The following C9orf72 variants were observed in gnomAD, a reference collection of about 807,000 sequenced individuals.
C9orf72 encodes C9orf72-SMCR8 complex subunit.
In C9orf72, 44 loss-of-function variants were observed where a neutral mutation model predicts 51.6. That is an observed-to-expected ratio of 0.85 (90% CI 0.67 to 1.10). The LOEUF is 1.10. Ranked by LOEUF, C9orf72 falls within the 50% of genes least tolerant of loss-of-function variation. C9orf72 has a pLI of 0.00. For missense variants in C9orf72, 607 were observed against 570.6 expected (o/e 1.06, Z -0.65); for synonymous variants, 213 against 194.2 (o/e 1.10, Z -0.81).
At chr9:27,572,225 G>A (rs566040608) in intron 1 of C9orf72, among the ~76,000 whole-genome samples, 32 of 152,262 alleles carry the variant, frequency 2.1e-4, no homozygotes, top group Admixed American at 6.5e-4. Context: ...AATTACTCTC[G>A]TTCTTGTTTC....
At chr9:27,551,604 C>T (rs766885003) in intron 8 of C9orf72, among the ~76,000 whole-genome samples, 6 of 152,162 alleles carry the variant, frequency 3.9e-5, no homozygotes, top group Non-Finnish European at 7.3e-5. Context: ...GTTTCCTTAT[C>T]TTAAGAAACG....
rs1820782726 is a variant in C9orf72 at position 27,547,008 on chromosome 9, G to A, written c.*1228C>T. ...AATTTTAAATAAAATATTTATTTGT[G>A]TTTGTGTAACTACAATGTCAACATT... is the stretch of plus-strand genomic sequence containing the variant. On this transcript the variant is annotated 3_prime_UTR_variant, in exon 11 of 11. Coordinates refer to ENST00000380003, the MANE Select transcript of C9orf72 (RefSeq NM_018325.5). 1 of 152,376 alleles carries A rather than the reference G, an allele frequency of 6.6e-6. No homozygotes were observed. The highest frequency in any genetic ancestry group is 6.6e-5 in the Admixed American group (1 of 15,248). 9.4% of individuals were successfully genotyped at this position (152,376 alleles called of 1,614,324 possible). A position where few individuals can be genotyped will look rare whatever the true frequency, so the allele number is the denominator to read the frequency against.
rs149047881 is a variant in C9orf72 at position 27,572,042 on chromosome 9, C to T, written c.-45+1389G>A. Among the ~76,000 whole-genome samples, 219 of 152,300 alleles carry T rather than the reference C, an allele frequency of 1.4e-3. 2 individuals are homozygous for T. In the Middle Eastern group the frequency reaches 0.024, roughly 17 times the overall value. On this transcript the variant is annotated intron_variant, in intron 1 of 10. Coordinates refer to ENST00000380003, the MANE Select transcript of C9orf72 (RefSeq NM_018325.5). ...ACTATCTAATTAACGTAGAATAGAACCCGAGGGCAGACTTGAAAAACAGAA... is the reference window on the plus strand; with the variant it reads ...ACTATCTAATTAACGTAGAATAGAATCCGAGGGCAGACTTGAAAAACAGAA...
chr9:27,553,789 A>C (rs1820956022), intron 8 of C9orf72, among the ~76,000 whole-genome samples: 1 of 152,222 alleles, frequency 6.6e-6, no homozygotes, highest in Non-Finnish European at 1.5e-5. Flanking sequence ...AAATATCTGC[A>C]AACCATGTAT....
chr9:27,554,169 G>C (rs1820963942), intron 8 of C9orf72, among the ~76,000 whole-genome samples: 1 of 152,126 alleles, frequency 6.6e-6, no homozygotes, highest in African/African-American at 2.4e-5. Context: ...TATTCTATAT[G>C]TACCTAAAGG....
intron 8 of C9orf72, among the ~76,000 whole-genome samples, chr9:27,551,893 C>T (rs1820916145): frequency 6.6e-6 from 1 of 152,170 alleles, no homozygotes; most frequent in African/African-American, 2.4e-5. Context: ...GATCTTTCAC[C>T]TCCCTGGTTA....
At chr9:27,552,083 C>G (rs956369749) in intron 8 of C9orf72, among the ~76,000 whole-genome samples, 1 of 152,142 alleles carries the variant, frequency 6.6e-6, no homozygotes, top group African/African-American at 2.4e-5. Context: ...CAGAATTATA[C>G]TGCCTGCAAA....
intron 7 of C9orf72, among the ~76,000 whole-genome samples, chr9:27,558,228 TA>T (rs369338530): frequency 6.5e-4 from 94 of 144,782 alleles, no homozygotes; most frequent in Non-Finnish European, 6.5e-4. Flanking sequence ...AAGCATGTGT[TA>T]AAAAAAAAAA....
At chr9:27,552,656 T>A (rs1563899620) in intron 8 of C9orf72, among the ~76,000 whole-genome samples, 1 of 151,378 alleles carries the variant, frequency 6.6e-6, no homozygotes, top group Admixed American at 6.6e-5. Flanking sequence ...ACACCTGACC[T>A]ACTGAAGGTT....
At chr9:27,552,316 GTTCC>G (rs1820924408) in intron 8 of C9orf72, among the ~76,000 whole-genome samples, 1 of 150,862 alleles carries the variant, frequency 6.6e-6, no homozygotes, top group Admixed American at 6.7e-5. Flanking sequence ...TTTGAGGCAT[GTTCC>G]TTCAATGCCT....
rs1180865420 is a variant in C9orf72, at chr9:27,560,472, G to A, written c.666-173C>T. On this transcript the variant is annotated intron_variant, in intron 5 of 10. Coordinates refer to ENST00000380003, the MANE Select transcript of C9orf72 (RefSeq NM_018325.5). The stretch of plus-strand genomic sequence containing the variant: ...TTTGTATAGGAACCTACATTTTCTA[G>A]AGACCTTTCACAGAAATTTTCTTAT... 1.5e-5 allele frequency: 9 copies of A among 608,706 alleles called. No homozygotes were observed. The Admixed American group carries it at 3.2e-4, about 22-fold the overall frequency. The allele number at this position is 608,706 out of a possible 1,614,324, so 37.7% of individuals were successfully genotyped here.
Position 27,560,478 on chromosome 9 carries a change from T to C in C9orf72, c.666-179A>G, listed in dbSNP as rs9969837. On this transcript the variant is annotated intron_variant, in intron 5 of 10. Coordinates refer to ENST00000380003, the MANE Select transcript of C9orf72 (RefSeq NM_018325.5). ...TAGGAACCTACATTTTCTAGAGACCTTTCACAGAAATTTTCTTATTGAGCC... is the reference window on the plus strand; with the variant it reads ...TAGGAACCTACATTTTCTAGAGACCCTTCACAGAAATTTTCTTATTGAGCC... 3.9e-3 allele frequency: 2,426 copies of C among 616,982 alleles called. 53 individuals are homozygous for C. In the African/African-American group the frequency reaches 0.041, roughly 10 times the overall value. The allele number at this position is 616,982 out of a possible 1,614,324, so 38.2% of individuals were successfully genotyped here.
At chr9:27,555,926 T>C (rs951424800) in intron 8 of C9orf72, among the ~76,000 whole-genome samples, 2 of 152,136 alleles carry the variant, frequency 1.3e-5, no homozygotes, top group Non-Finnish European at 2.9e-5. Context: ...AGAACATCTT[T>C]TAAGTGTTTA....
intron 1 of C9orf72, among the ~76,000 whole-genome samples, chr9:27,567,861 G>C (rs1819503447): frequency 6.6e-6 from 1 of 152,092 alleles, no homozygotes. Context: ...GGAACACTCA[G>C]GATTGCTGGT....
intron 7 of C9orf72, 106 bp downstream of exon 7, chr9:27,558,385 T>C: frequency 1.4e-6 from 1 of 717,436 alleles, no homozygotes; most frequent in Admixed American, 2.3e-5. Flanking sequence ...TCTCTGGGCA[T>C]GTCAATATGA....
At position 27,566,734 on chromosome 9, in the gene C9orf72, T is replaced by C. The variant is rs376972290; in HGVS notation, c.387A>G (p.Arg129=). ...TATGTGTTAATCTATCAACACACAC[T>C]CTATGAAGTGGGAGGTAGAAACTAA... ...TELSFYLPLH[R]VCVDRLTHII... The change falls in exon 2 of 11, where the codon AGA becomes AGG. Residue 129 remains arginine, a synonymous_variant. Coordinates refer to ENST00000380003, the MANE Select transcript of C9orf72 (RefSeq NM_018325.5). 9 of 1,613,622 alleles carry C rather than the reference T, an allele frequency of 5.6e-6. No individual in the cohort carries two copies. In the African/African-American group the frequency reaches 1.1e-4, roughly 19 times the overall value.
At chr9:27,550,490 T>A (rs183578252) in intron 9 of C9orf72, among the ~76,000 whole-genome samples, 160 bp downstream of exon 9, 1 of 152,128 alleles carries the variant, frequency 6.6e-6, no homozygotes, top group Non-Finnish European at 1.5e-5. Context: ...CACAGACTCT[T>A]CTGAGAACTG....
chr9:27,549,557 T>C (rs1236524771), intron 9 of C9orf72, among the ~76,000 whole-genome samples: 1 of 152,210 alleles, frequency 6.6e-6, no homozygotes, highest in Non-Finnish European at 1.5e-5. Flanking sequence ...CAAAGCTTTA[T>C]CTATGACACA....
At position 27,548,196 on chromosome 9, in the gene C9orf72, G is replaced by T. The variant is rs371151244; in HGVS notation, c.*40C>A. On this transcript the variant is annotated 3_prime_UTR_variant, in exon 11 of 11. Transcript: ENST00000380003. ...CACACCACTGAGCTACTTTACCAGC[G>T]ATCATGATTGTGATGGAATAGGCTT... is the stretch of plus-strand genomic sequence containing the variant. 7 of 1,494,476 alleles carry T rather than the reference G, an allele frequency of 4.7e-6. No individual in the cohort carries two copies. Among genetic ancestry groups the T allele is most frequent in the Non-Finnish European group, 6.4e-6 (7 of 1,090,788 alleles). 92.6% of individuals were successfully genotyped at this position (1,494,476 alleles called of 1,614,324 possible).
Sources: gnomAD v4.1 joint callset for allele counts (sites outside exome capture counted in the v4.1 genomes callset) on GRCh38, gnomAD v4.1.1 for gene constraint, MANE v1.5 for transcripts, NCBI Gene and HGNC (gene_info 2026-07-23, HGNC 2026-07-21) for gene names.